EIF4E2: variants seen among roughly 807,000 people sequenced by gnomAD.
EIF4E2 encodes eukaryotic translation initiation factor 4E family member 2, also known as eukaryotic translation initiation factor 4E type 2.
EIF4E2 carries 13 observed loss-of-function variants against 34.2 expected under a neutral mutation model. The ratio of observed to expected loss-of-function variants is 0.38; its 90% confidence interval spans 0.25 to 0.60. EIF4E2 has a LOEUF of 0.60. Among genes scored for constraint, EIF4E2 ranks in the 20% least tolerant of loss-of-function variants. The pLI, the probability that EIF4E2 is intolerant of heterozygous loss-of-function variation, is 0.62. For synonymous variants in EIF4E2, 100 were observed against 106.6 expected (o/e 0.94, Z 0.38); for missense variants, 222 against 315.1 (o/e 0.70, Z 2.24).
intron 3 of EIF4E2, among the ~76,000 whole-genome samples, chr2:232,559,770 C>G (rs2106240519): frequency 6.8e-6 from 1 of 147,612 alleles, no homozygotes; most frequent in African/African-American, 2.6e-5. Context: ...GTGATGAGAC[C>G]CTGCCTCTAC....
chr2:232,572,764 G>A (rs941381467), downstream of EIF4E2, among the ~76,000 whole-genome samples: 4 of 152,224 alleles, frequency 2.6e-5, no homozygotes, highest in East Asian at 3.8e-4. Flanking sequence ...GAATGGAGTA[G>A]GAGGGAGCTG....
chr2:232,576,178 T>TG (rs1553586850), intron 6 of EIF4E2, among the ~76,000 whole-genome samples: 11 of 150,402 alleles, frequency 7.3e-5, no homozygotes, highest in Non-Finnish European at 1.3e-4. Context: ...TACTCCAGCC[T>TG]GGCAACAGAG....
downstream of EIF4E2, chr2:232,573,734 G>A (rs1693147325): frequency 4.5e-6 from 1 of 222,302 alleles, no homozygotes; most frequent in African/African-American, 2.3e-5. Context: ...TTGAAGGTCT[G>A]AGTGTAGAAG....
downstream of EIF4E2, chr2:232,573,782 A>G: frequency 3.2e-6 from 1 of 310,496 alleles, no homozygotes; most frequent in South Asian, 2.8e-5. Flanking sequence ...GAGAAAGTGT[A>G]TACTTTCCTC....
At position 232,566,749 on chromosome 2, in the gene EIF4E2, T is replaced by C; in HGVS notation, c.376-80T>C. ...ATATGACTTCTTAGTGTTTAAGAGA[T>C]TCTTGGCTTTTTACTGCCTTCATAC... On this transcript the variant is annotated intron_variant, in intron 4 of 6. Transcript: ENST00000258416. The surrounding 1 kb of genome is among the most constrained non-coding windows in gnomAD (Gnocchi z 4.9). 6.6e-7 allele frequency: 1 copy of C among 1,522,060 alleles called. No individual in the cohort carries two copies. Among genetic ancestry groups the C allele is most frequent in the Non-Finnish European group, 9.0e-7 (1 of 1,110,992 alleles). The allele number at this position is 1,522,060 out of a possible 1,614,324, so 94.3% of individuals were successfully genotyped here.
chr2:232,573,558 A>C (rs6721592), downstream of EIF4E2, among the ~76,000 whole-genome samples: 128,679 of 152,160 alleles, frequency 0.85, 54,991 homozygotes, highest in East Asian at 0.97. Flanking sequence ...GCCACGTACC[A>C]CTTCTGTCAC....
chr2:232,563,244 A>G (rs1692785883), intron 3 of EIF4E2, among the ~76,000 whole-genome samples: 1 of 152,204 alleles, frequency 6.6e-6, no homozygotes, highest in Admixed American at 6.5e-5. Flanking sequence ...CTCTGTGAAT[A>G]AGGAAATAAT....
chr2:232,550,991 C>T (rs537167188), intron 1 of EIF4E2: 111 of 612,260 alleles, frequency 1.8e-4, no homozygotes, highest in African/African-American at 1.7e-3. Context: ...GGTGGCTGTG[C>T]CGCCCGGTAG....
Position 232,566,851 on chromosome 2 carries a change from G to A in EIF4E2, c.398G>A (p.Gly133Asp). The A allele has an allele frequency of 1.9e-6, 3 of 1,614,100 alleles. No homozygotes were observed. Among genetic ancestry groups the A allele is most frequent in the Non-Finnish European group, 2.5e-6 (3 of 1,180,014 alleles). ...MWEDDANKNGGKWIIRLRKGL... is the reference protein window; with the variant it reads ...MWEDDANKNGDKWIIRLRKGL... ...CAGGATGATGCAAATAAAAATGGTG[G>A]CAAGTGGATTATTCGGCTGCGGAAG... is the stretch of plus-strand genomic sequence containing the variant. The change falls in exon 5 of 7, where the codon GGC becomes GAC. Residue 133 changes from glycine (G) to aspartate (D), a missense_variant. Physicochemically the swap from Gly to Asp is moderately conservative, Grantham distance 94 (BLOSUM62 -1). Around this residue, in one of 3 missense-constraint regions of EIF4E2, gnomAD observed 105 missense variants for 195.1 expected, o/e 0.54. Coordinates refer to ENST00000258416, the MANE Select transcript of EIF4E2 (RefSeq NM_004846.4). The surrounding 1 kb of genome is among the most constrained non-coding windows in gnomAD (Gnocchi z 4.9).
rs1039107912 is a variant in EIF4E2, at chr2:232,550,715, C to T, written c.-10C>T. The T allele has an allele frequency of 6.3e-7, 1 of 1,584,252 alleles. No homozygotes were observed. Among genetic ancestry groups the T allele is most frequent in the Admixed American group, 1.8e-5 (1 of 56,108 alleles). On this transcript the variant is annotated 5_prime_UTR_variant, in exon 1 of 7. Transcript: ENST00000258416. ...CTCCCTGAGGCAGTGGCGACAGCGG[C>T]GGCGAGAGGATGAACAACAAGTTCG...
intron 6 of EIF4E2, among the ~76,000 whole-genome samples, chr2:232,577,146 A>T (rs140398537): frequency 6.6e-6 from 1 of 152,256 alleles, no homozygotes; most frequent in African/African-American, 2.4e-5. Context: ...GAATAAAATA[A>T]AGTTGAAGAC....
chr2:232,560,775 T>G (rs3108614), intron 3 of EIF4E2, among the ~76,000 whole-genome samples: 46,539 of 152,132 alleles, frequency 0.31, 7,660 homozygotes, highest in Admixed American at 0.41. Flanking sequence ...GAAATCAACA[T>G]CATTACTATG....
chr2:232,563,482 A>G (rs1291596214), intron 3 of EIF4E2, among the ~76,000 whole-genome samples: 2 of 152,158 alleles, frequency 1.3e-5, no homozygotes, highest in Non-Finnish European at 2.9e-5. Context: ...TGATGGAAAA[A>G]TATAAATCTA....
intron 6 of EIF4E2, chr2:232,568,140 G>A: frequency 6.1e-6 from 6 of 985,346 alleles, no homozygotes; most frequent in Non-Finnish European, 7.2e-6. Flanking sequence ...CCAAGTAGTA[G>A]TATTGCTATC....
intron 6 of EIF4E2, among the ~76,000 whole-genome samples, chr2:232,576,586 T>C (rs536381156): frequency 1.6e-4 from 24 of 152,270 alleles, no homozygotes; most frequent in African/African-American, 5.8e-4. Context: ...TGGAAGTCCG[T>C]GAAGAGTGTT....
chr2:232,567,799 GCT>G, intron 6 of EIF4E2: 2 of 985,864 alleles, frequency 2.0e-6, no homozygotes, highest in Non-Finnish European at 2.4e-6. Flanking sequence ...GGGAAATAGA[GCT>G]CTCTGTCCAC....
At chr2:232,556,102 T>C (rs1692509836) in intron 1 of EIF4E2, among the ~76,000 whole-genome samples, 1 of 151,958 alleles carries the variant, frequency 6.6e-6, no homozygotes, top group East Asian at 1.9e-4. Flanking sequence ...TCTCATTTTT[T>C]ACTCCATTTT....
In EIF4E2 at chr2:232,566,162, C is replaced by A. The variant is rs1692923704; in HGVS notation, c.376-667C>A. ...ACTTGGTATGTAGTGACAGTCAGTA[C>A]TTTTTTTTGTCGTCGTTGTTGTTTT... is the stretch of plus-strand genomic sequence containing the variant. On this transcript the variant is annotated intron_variant, in intron 4 of 6. Coordinates refer to ENST00000258416, the MANE Select transcript of EIF4E2 (RefSeq NM_004846.4). The surrounding 1 kb of genome is among the most constrained non-coding windows in gnomAD (Gnocchi z 4.9). 6.6e-6 allele frequency among the ~76,000 whole-genome samples: 1 copy of A among 151,004 alleles called. No individual in the cohort carries two copies. The highest frequency in any genetic ancestry group is 2.4e-5 in the African/African-American group (1 of 41,184).
chr2:232,577,102 AGCAGT>A (rs1218233751), intron 6 of EIF4E2, among the ~76,000 whole-genome samples: 7 of 152,252 alleles, frequency 4.6e-5, no homozygotes, highest in Admixed American at 4.6e-4. Context: ...GTATACACAG[AGCAGT>A]GAGTCTGTAT....
Sources: allele counts gnomAD v4.1 joint callset (sites outside exome capture counted in the v4.1 genomes callset), GRCh38; gene constraint gnomAD v4.1.1; regional missense constraint gnomAD v4.1.1; non-coding constraint Gnocchi (gnomAD v3.1); transcripts MANE v1.5; gene names NCBI Gene and HGNC (gene_info 2026-07-23, HGNC 2026-07-21).